Variants in LPIN1 observed in about 807,000 individuals in gnomAD.
LPIN1 encodes phosphatidate phosphatase LPIN1.
A neutral mutation model predicts 107.5 loss-of-function variants in LPIN1; 71 were observed. The ratio of observed to expected loss-of-function variants is 0.66; its 90% confidence interval spans 0.55 to 0.80. The LOEUF is 0.80. Among genes scored for constraint, LPIN1 ranks in the 30% least tolerant of loss-of-function variants. LPIN1 has a pLI of 0.00. For missense variants in LPIN1, 1,043 were observed against 1,160.6 expected (o/e 0.90, Z 1.47); for synonymous variants, 445 against 452.6 (o/e 0.98, Z 0.21).
At chr2:11,819,452 T>G (rs1440320285) in intron 18 of LPIN1, 32 bp from the exon 19 acceptor site, 3 of 1,346,428 alleles carry the variant, frequency 2.2e-6, no homozygotes, top group Non-Finnish European at 3.2e-6. Flanking sequence ...GCTTAGCCTC[T>G]CATGTTAATC....
chr2:11,765,514 T>C lies in LPIN1; in HGVS notation c.-9-19T>C. 1.9e-6 allele frequency: 3 copies of C among 1,604,566 alleles called. No homozygotes were observed. The highest frequency in any genetic ancestry group is 2.7e-5 in the African/African-American group (2 of 74,852). On this transcript the variant is annotated intron_variant, in intron 1 of 20. Transcript: ENST00000674199. The surrounding 1 kb of genome is among the most constrained non-coding windows in gnomAD (Gnocchi z 4.4). ...ATTAATTGTGTGTCTGTGTGTGTTT[T>C]TTTTTGTCTGTTTTCCAGGTGCAGA...
At chr2:11,713,768 A>G (rs765631102) in exon 2 of LPIN1, 1 of 1,515,262 alleles carries the variant, frequency 6.6e-7, no homozygotes, top group Non-Finnish European at 8.9e-7. Context: ...TCCAATAATG[A>G]GAGACCCTGG....
At chr2:11,746,548 C>A (rs1666939242), upstream of LPIN1, 2 of 587,608 alleles carry the variant, frequency 3.4e-6, no homozygotes, top group African/African-American at 2.0e-5. Context: ...CTCGCACCGC[C>A]CCGCTTGCCC....
chr2:11,784,598 C>T (rs542845082), intron 9 of LPIN1: 5 of 514,850 alleles, frequency 9.7e-6, no homozygotes, highest in Admixed American at 6.6e-5. Flanking sequence ...GCAGGGCTGG[C>T]GCCTGGAGGG....
chr2:11,711,789 C>T (rs760241951), intron 1 of LPIN1, among the ~76,000 whole-genome samples: 8 of 152,148 alleles, frequency 5.3e-5, no homozygotes, highest in African/African-American at 9.7e-5. Context: ...TTCTCTGCCT[C>T]GAATCCATCC....
At chr2:11,724,671 T>A in intron 1 of LPIN1, 1 of 982,082 alleles carries the variant, frequency 1.0e-6, no homozygotes, top group Non-Finnish European at 1.2e-6. Context: ...GGGTGGGGAA[T>A]CACGATGCTT....
In LPIN1 at chr2:11,775,334, A is replaced by G. The variant is rs141179480; in HGVS notation, c.723-752A>G. Reference sequence around the variant, plus strand: ...AATGTAGAATATTTAGAACCCAATAATAGATGAAAAAATCTGTTCAAGCAC... The same window carrying G: ...AATGTAGAATATTTAGAACCCAATAGTAGATGAAAAAATCTGTTCAAGCAC... On this transcript the variant is annotated intron_variant, in intron 5 of 20. Transcript: ENST00000674199. Among the ~76,000 whole-genome samples, 1,087 of 152,346 alleles carry G rather than the reference A, an allele frequency of 7.1e-3. 18 individuals are homozygous for G. The highest frequency in any genetic ancestry group is 0.025 in the African/African-American group (1,033 of 41,564).
intron 5 of LPIN1, among the ~76,000 whole-genome samples, chr2:11,773,971 C>G (rs1672279197): frequency 1.3e-5 from 2 of 152,114 alleles, no homozygotes; most frequent in South Asian, 4.1e-4. Flanking sequence ...CTGTTAGCTC[C>G]CTGGAGGTGA....
Position 11,717,456 on chromosome 2 carries a change from TTTA to T in LPIN1, c.138+3647_138+3649del, listed in dbSNP as rs145098455. Among the ~76,000 whole-genome samples, 755 of 152,222 alleles carry T rather than the reference TTTA, an allele frequency of 5.0e-3. 4 individuals carry two copies. Among genetic ancestry groups the T allele is most frequent in the African/African-American group, 0.017 (717 of 41,504 alleles). ...CTGGAGGTTATATTTGCCTCTCTTT[TTTA>T]TTGTTAGAAGAAATACCACTACCTG... On this transcript the variant is annotated intron_variant, in intron 2 of 21. Transcript: ENST00000449576.
chr2:11,708,699 T>C (rs1663251940), intron 1 of LPIN1, among the ~76,000 whole-genome samples: 1 of 152,110 alleles, frequency 6.6e-6, no homozygotes, highest in Non-Finnish European at 1.5e-5. Flanking sequence ...TCCAGGCATT[T>C]GATACGTAAG....
intron 1 of LPIN1, among the ~76,000 whole-genome samples, chr2:11,689,757 T>C (rs1249946258): frequency 1.3e-5 from 2 of 152,026 alleles, no homozygotes; most frequent in South Asian, 2.1e-4. Context: ...TACAAAAAAA[T>C]AGCTGAGTGT....
intron 1 of LPIN1, among the ~76,000 whole-genome samples, chr2:11,685,658 G>A (rs1463475360): frequency 1.3e-5 from 2 of 152,176 alleles, no homozygotes; most frequent in African/African-American, 4.8e-5. Flanking sequence ...ACGGGTTACC[G>A]AGTCCCCCCA....
In LPIN1 at chr2:11,768,436, C is replaced by G. The variant is rs554106084; in HGVS notation, c.288+578C>G. 4.6e-5 allele frequency among the ~76,000 whole-genome samples: 7 copies of G among 152,276 alleles called. 1 individual carries two copies. The highest frequency in any genetic ancestry group is 1.7e-4 in the African/African-American group (7 of 41,564). ...CCAACTGCTGAGCCCTAAGTTACCA[C>G]TAACCTTCCTATCTCTATAGATTTC... On this transcript the variant is annotated intron_variant, in intron 3 of 20. Transcript: ENST00000674199.
intron 14 of LPIN1, among the ~76,000 whole-genome samples, chr2:11,801,094 A>C (rs1677651065): frequency 6.6e-6 from 1 of 152,238 alleles, no homozygotes; most frequent in Admixed American, 6.5e-5. Flanking sequence ...TATCAAAAAG[A>C]CAAAAAATAA....
chr2:11,683,000 T>C (rs1317323487), intron 1 of LPIN1: 1 of 152,214 alleles, frequency 6.6e-6, no homozygotes, highest in Non-Finnish European at 1.5e-5. Flanking sequence ...AGGTCCTTTC[T>C]CACCGGCTAC....
intron 1 of LPIN1, among the ~76,000 whole-genome samples, chr2:11,683,938 C>T (rs1013201203): frequency 1.3e-5 from 2 of 152,210 alleles, no homozygotes; most frequent in African/African-American, 2.4e-5. Context: ...GGGCTGATGA[C>T]GCTGCTTTAC....
At chr2:11,723,909 A>C (rs1015870478), upstream of LPIN1, 6 of 152,178 alleles carry the variant, frequency 3.9e-5, no homozygotes, top group African/African-American at 1.2e-4. Flanking sequence ...TGATTTAGGC[A>C]TCTTGATGCC....
chr2:11,801,767 C>T (rs897206461), intron 14 of LPIN1, among the ~76,000 whole-genome samples: 23 of 152,166 alleles, frequency 1.5e-4, no homozygotes, highest in African/African-American at 5.3e-4. Context: ...GAAATGTTCC[C>T]AACACAAAGA....
At position 11,825,096 on chromosome 2, in the gene LPIN1, T is replaced by C. The variant is rs1174219438; in HGVS notation, c.*305T>C. ...CCGGCCTGCTCCAGCAAGTAGCTAC[T>C]GGTTCACGTGCAGTTTGGGGCTGTG... On this transcript the variant is annotated 3_prime_UTR_variant, in exon 21 of 21. Coordinates refer to ENST00000674199, the MANE Select transcript of LPIN1 (RefSeq NM_001349206.2). This position sits in a 1 kb window ranked among gnomAD's most constrained non-coding sequence, Gnocchi z 4.1. 9.5e-6 allele frequency: 4 copies of C among 422,272 alleles called. No individual in the cohort carries two copies. Among genetic ancestry groups the C allele is most frequent in the Non-Finnish European group, 1.8e-5 (4 of 225,384 alleles). 26.2% of individuals were successfully genotyped at this position (422,272 alleles called of 1,614,324 possible).
Sources: gnomAD v4.1 joint callset for allele counts (sites outside exome capture counted in the v4.1 genomes callset) on GRCh38, gnomAD v4.1.1 for gene constraint, Gnocchi (gnomAD v3.1) non-coding constraint, MANE v1.5 for transcripts, NCBI Gene and HGNC (gene_info 2026-07-23, HGNC 2026-07-21) for gene names.